Variants in SLIT3 observed in about 807,000 individuals in gnomAD.
SLIT3 encodes the protein slit homolog 3 protein.
In SLIT3, 68 loss-of-function variants were observed where a neutral mutation model predicts 184.0. That is an observed-to-expected ratio of 0.37 (90% confidence interval 0.30 to 0.45). SLIT3 has a LOEUF of 0.45. Ranked by LOEUF, SLIT3 falls within the 20% of genes least tolerant of loss-of-function variation. The pLI is 1.00. For synonymous variants in SLIT3, 831 were observed against 828.6 expected (o/e 1.00, Z -0.05); for missense variants, 1,707 against 2,026.0 (o/e 0.84, Z 3.02).
At chr5:169,225,311 G>T (rs1764764718) in intron 3 of SLIT3, among the ~76,000 whole-genome samples, 1 of 152,348 alleles carries the variant, frequency 6.6e-6, no homozygotes, top group Non-Finnish European at 1.5e-5. Flanking sequence ...GCAGGCTGAA[G>T]AATAACCCAG....
intron 5 of SLIT3, among the ~76,000 whole-genome samples, chr5:168,882,662 C>T (rs558978784): frequency 2.6e-5 from 4 of 152,170 alleles, no homozygotes; most frequent in African/African-American, 9.6e-5. Context: ...GACTTGTCTA[C>T]TATTTTTTGA....
intron 4 of SLIT3, among the ~76,000 whole-genome samples, chr5:168,976,503 AAC>A (rs1754767541): frequency 6.6e-6 from 1 of 152,226 alleles, no homozygotes; most frequent in Non-Finnish European, 1.5e-5. Context: ...GAAAAAAATA[AAC>A]ACAGAGCTGA....
intron 4 of SLIT3, chr5:168,994,319 G>A (rs1009329339): frequency 2.0e-5 from 3 of 152,102 alleles, no homozygotes; most frequent in Non-Finnish European, 4.4e-5. Flanking sequence ...GAGAATCAAA[G>A]GCATCCTCTG....
intron 4 of SLIT3, among the ~76,000 whole-genome samples, chr5:169,115,682 A>G (rs6861916): frequency 0.017 from 2,605 of 152,340 alleles, 73 homozygotes; most frequent in African/African-American, 0.06. Context: ...ACTGAGCACT[A>G]TGCCAAGTGT....
At chr5:169,177,902 C>T (rs1039161114) in intron 4 of SLIT3, among the ~76,000 whole-genome samples, 2 of 152,184 alleles carry the variant, frequency 1.3e-5, no homozygotes, top group African/African-American at 4.8e-5. Context: ...CTTAGGGAGT[C>T]ATCTTCCAAT....
At chr5:168,915,193 A>T (rs1475987760) in intron 4 of SLIT3, among the ~76,000 whole-genome samples, 2 of 152,188 alleles carry the variant, frequency 1.3e-5, no homozygotes, top group Non-Finnish European at 2.9e-5. Flanking sequence ...TTTGCTTTTC[A>T]TATGAATTCT....
At chr5:168,916,271 C>T (rs1044354666) in intron 4 of SLIT3, among the ~76,000 whole-genome samples, 8 of 152,216 alleles carry the variant, frequency 5.3e-5, no homozygotes, top group African/African-American at 1.9e-4. Context: ...AATGTCATTG[C>T]TGTAGGAAGG....
rs1341445680 is a variant in SLIT3 at position 168,711,005 on chromosome 5, T to G, written c.2609A>C (p.Glu870Ala). 5.7e-6 allele frequency: 9 copies of G among 1,578,132 alleles called. No homozygotes were observed. Among genetic ancestry groups the G allele is most frequent in the Non-Finnish European group, 6.9e-6 (8 of 1,161,140 alleles). ...HCDCSLRWLS[E>A]WVKAGYKEPG... ...CTCCTTGTACCCCGCCTTCACCCAC[T>G]CCGACAGCCACCGAAGACTGCAGTC... is the stretch of plus-strand genomic sequence containing the variant. The change falls in exon 25 of 36, where the codon GAG (glutamate) becomes GCG (alanine). Residue 870 changes from glutamate to alanine, a missense_variant. Physicochemically the swap from Glu to Ala is moderately radical, Grantham distance 107. Coordinates refer to ENST00000519560, the MANE Select transcript of SLIT3 (RefSeq NM_003062.4).
At chr5:168,790,745 A>T (rs1431375186) in intron 10 of SLIT3, 1 of 152,232 alleles carries the variant, frequency 6.6e-6, no homozygotes, top group Admixed American at 6.5e-5. Flanking sequence ...AAAAAAGCAC[A>T]ACAGAGCAGA....
intron 4 of SLIT3, among the ~76,000 whole-genome samples, chr5:169,122,676 C>A (rs933212689): frequency 1.3e-5 from 2 of 152,120 alleles, no homozygotes; most frequent in Non-Finnish European, 2.9e-5. Flanking sequence ...CCGGTAACAC[C>A]ATCACCACCT....
intron 32 of SLIT3, among the ~76,000 whole-genome samples, chr5:168,675,104 G>A (rs1032169914): frequency 6.6e-6 from 1 of 152,264 alleles, no homozygotes; most frequent in South Asian, 2.1e-4. Context: ...GGCTGGGAGG[G>A]AACAGTGGTG....
intron 4 of SLIT3, among the ~76,000 whole-genome samples, chr5:168,949,534 A>G (rs1437675490): frequency 2.0e-5 from 3 of 152,254 alleles, no homozygotes; most frequent in Non-Finnish European, 4.4e-5. Flanking sequence ...GGCCAAAAAC[A>G]GCTGACCCAT....
intron 4 of SLIT3, among the ~76,000 whole-genome samples, chr5:168,924,092 C>G (rs971240779): frequency 6.6e-6 from 1 of 152,226 alleles, no homozygotes; most frequent in Non-Finnish European, 1.5e-5. Context: ...GTACCCGGGT[C>G]CACAAGGCCC....
chr5:168,682,356 A>C (rs906717537), intron 32 of SLIT3, among the ~76,000 whole-genome samples: 4 of 152,224 alleles, frequency 2.6e-5, no homozygotes, highest in Non-Finnish European at 5.9e-5. Flanking sequence ...CTCTTTCTGC[A>C]GGAAGTTTTC....
chr5:169,037,419 G>A (rs1757294319), intron 4 of SLIT3, among the ~76,000 whole-genome samples: 1 of 152,146 alleles, frequency 6.6e-6, no homozygotes, highest in Admixed American at 6.5e-5. Context: ...GCTACTTTCA[G>A]GCTTGGGCAT....
At chr5:168,840,973 C>T (rs1303747554) in intron 6 of SLIT3, among the ~76,000 whole-genome samples, 1 of 152,156 alleles carries the variant, frequency 6.6e-6, no homozygotes, top group African/African-American at 2.4e-5. Context: ...TGTGGGCACC[C>T]GTTAACTGGG....
intron 27 of SLIT3, among the ~76,000 whole-genome samples, chr5:168,697,136 G>A (rs575346280): frequency 6.6e-6 from 1 of 152,148 alleles, no homozygotes; most frequent in East Asian, 1.9e-4. Context: ...TGTTCTTCAG[G>A]GATGCCATTT....
At chr5:169,181,442 T>C (rs1209031192) in intron 4 of SLIT3, among the ~76,000 whole-genome samples, 4 of 151,960 alleles carry the variant, frequency 2.6e-5, no homozygotes, top group Admixed American at 1.3e-4. Flanking sequence ...TTTTCATCTT[T>C]AAAAAATTAT....
rs1298294199 is a variant in SLIT3, at chr5:168,887,770, C to CT, written c.414-4435dup. On this transcript the variant is annotated intron_variant, in intron 4 of 35. Transcript: ENST00000519560. ...CTCTGCAGAGCACTCTGCACAGCAC[C>CT]TAGAACACCGTAGGCACTCAATGAA... is the stretch of plus-strand genomic sequence containing the variant. Among the ~76,000 whole-genome samples, 7 of 152,254 alleles carry CT rather than the reference C, an allele frequency of 4.6e-5. No homozygotes were observed. The South Asian group carries it at 8.3e-4, about 18-fold the overall frequency.
Sources: gnomAD v4.1 joint callset for allele counts (sites outside exome capture counted in the v4.1 genomes callset) on GRCh38, gnomAD v4.1.1 for gene constraint, MANE v1.5 for transcripts, NCBI Gene and HGNC (gene_info 2026-07-23, HGNC 2026-07-21) for gene names.